The following SETD1A variants were observed in gnomAD, a reference collection of about 807,000 sequenced individuals.
The protein encoded by SETD1A is SET domain containing 1A, histone lysine methyltransferase.
A neutral mutation model predicts 149.9 loss-of-function variants in SETD1A; 29 were observed. The ratio of observed to expected loss-of-function variants is 0.19; its 90% CI spans 0.14 to 0.26. The LOEUF (loss-of-function observed/expected upper bound fraction) is 0.26. Ranked by LOEUF, SETD1A falls within the 10% of genes least tolerant of loss-of-function variation. The probability of loss-of-function intolerance (pLI) is 1.00; values close to 1 mark genes in which losing one functional copy is unlikely to be tolerated. For missense variants in SETD1A, 2,109 were observed against 2,353.1 expected, an observed-to-expected ratio of 0.90 and a Z score of 2.15; for synonymous variants, 1,141 against 968.5, an observed-to-expected ratio of 1.18 and a Z score of -3.31.
At chr16:30,962,744 C>T (rs1202208472) in intron 4 of SETD1A, among the ~76,000 whole-genome samples, 2 of 152,196 alleles carry the variant, frequency 1.3e-5, no homozygotes, top group African/African-American at 4.8e-5. Flanking sequence ...GACAGGAGCT[C>T]GAGACCAGCC....
chr16:30,970,410 G>GGT (rs1270099782), intron 12 of SETD1A, among the ~76,000 whole-genome samples: 1 of 152,030 alleles, frequency 6.6e-6, no homozygotes, highest in Non-Finnish European at 1.5e-5. Flanking sequence ...TGGGATTACA[G>GGT]GTGTGAGCCA....
rs199773806 is a variant in SETD1A at position 30,961,239 on chromosome 16, C to G, written c.247-28C>G. 2.7e-5 allele frequency: 44 copies of G among 1,612,172 alleles called. No homozygotes were observed. In the Middle Eastern group the frequency reaches 5.0e-4, roughly 18 times the overall value. The stretch of plus-strand genomic sequence containing the variant: ...AAGGAACAGTGGTCAGTGTTGAGAC[C>G]CCATACCAACTCCTGTTCTTTCCCC... On this transcript the variant is annotated intron_variant, in intron 3 of 18. Coordinates refer to ENST00000262519, the MANE Select transcript of SETD1A (RefSeq NM_014712.3). The surrounding 1 kb of genome is among the most constrained non-coding windows in gnomAD (Gnocchi z 4.0).
chr16:30,983,962 T>C lies in SETD1A; in HGVS notation c.5063T>C (p.Leu1688Pro). 1.2e-6 allele frequency: 2 copies of C among 1,614,088 alleles called. No homozygotes were observed. Among genetic ancestry groups the C allele is most frequent in the Non-Finnish European group, 1.7e-6 (2 of 1,179,980 alleles). Residue 1688 changes from leucine to proline, a missense_variant, in exon 19 of 19, where the codon CTG becomes CCG. Around this residue, in one of 8 missense-constraint regions of SETD1A, gnomAD observed 254 missense variants for 409.3 expected, o/e 0.62. Transcript: ENST00000262519. This position sits in a 1 kb window ranked among gnomAD's most constrained non-coding sequence, Gnocchi z 6.8. ...EEITYDYKFPLEDNKIPCLCG... is the reference protein window; with the variant it reads ...EEITYDYKFPPEDNKIPCLCG... ...ATCACCTACGACTACAAGTTCCCAC[T>C]GGAAGACAACAAGATCCCGTGTCTG...
In SETD1A at chr16:30,961,453, A is replaced by G. The variant is rs1323851424; in HGVS notation, c.433A>G (p.Thr145Ala). The G allele has an allele frequency of 6.2e-7, 1 of 1,614,034 alleles. No homozygotes were observed. Among genetic ancestry groups the G allele is most frequent in the Non-Finnish European group, 8.5e-7 (1 of 1,180,014 alleles). The change falls in exon 4 of 19, where the codon ACT becomes GCT. Residue 145 changes from threonine (T) to alanine (A), a missense_variant. Transcript: ENST00000262519. This position sits in a 1 kb window ranked among gnomAD's most constrained non-coding sequence, Gnocchi z 4.0. ...CCTGGCCCGTGTGCTCTTCACCAGC[A>G]CTCGGGGCGCCAAGGAAACGGTCAA... ...LGLARVLFTS[T>A]RGAKETVKNL...
chr16:30,984,444 G>A lies in SETD1A; in HGVS notation c.*421G>A, dbSNP rs947740352. On this transcript the variant is annotated 3_prime_UTR_variant, in exon 19 of 19. Transcript: ENST00000262519. ...AGTGGCCATGTTCTCCCCCTGGGGGGGCTCTGCACCCCCAGTCCTGGGGAC... is the reference window on the plus strand; with the variant it reads ...AGTGGCCATGTTCTCCCCCTGGGGGAGCTCTGCACCCCCAGTCCTGGGGAC... 5 of 170,978 alleles carry A rather than the reference G, an allele frequency of 2.9e-5. No individual in the cohort carries two copies. In the East Asian group the frequency reaches 8.4e-4, roughly 29 times the overall value. 10.6% of individuals were successfully genotyped at this position (170,978 alleles called of 1,614,324 possible).
intron 12 of SETD1A, among the ~76,000 whole-genome samples, chr16:30,970,984 C>G (rs2056216843): frequency 6.6e-6 from 1 of 152,188 alleles, no homozygotes; most frequent in Non-Finnish European, 1.5e-5. Flanking sequence ...ATCCTTCGTC[C>G]AGACTGGGTC....
intron 2 of SETD1A, 105 bp downstream of exon 2, chr16:30,958,986 A>G: frequency 6.7e-7 from 1 of 1,482,324 alleles, no homozygotes; most frequent in South Asian, 1.1e-5. Context: ...GAAAGTGGGC[A>G]GTTGGACCCA....
In SETD1A at chr16:30,981,114, G is replaced by C; in HGVS notation, c.4746G>C (p.Leu1582=). The change falls in exon 17 of 19, where the codon CTG becomes CTC. Residue 1582 remains leucine, a synonymous_variant. Transcript: ENST00000262519. ...FGRSRIHEWG[L]FAMEPIAADE... is the part of the protein sequence containing the mutation. ...GGAGCCGGATCCACGAGTGGGGTCT[G>C]TTTGCCATGGAACCCATTGCTGCTG... 1 of 1,614,232 alleles carries C rather than the reference G, an allele frequency of 6.2e-7. No individual in the cohort carries two copies. Among genetic ancestry groups the C allele is most frequent in the Non-Finnish European group, 8.5e-7 (1 of 1,180,038 alleles).
At chr16:30,975,683 G>A (rs894623771) in intron 13 of SETD1A, among the ~76,000 whole-genome samples, 9 of 151,834 alleles carry the variant, frequency 5.9e-5, no homozygotes, top group Non-Finnish European at 7.4e-5. Flanking sequence ...AGCCCACTTT[G>A]GCCTCCCAAA....
rs2056360128 is a variant in SETD1A at position 30,980,544 on chromosome 16, C to G, written c.4468C>G (p.Gln1490Glu). Residue 1490 changes from glutamine (Q) to glutamate (E), a missense_variant, in exon 15 of 19, where the codon CAG becomes GAG. Gln to Glu is a conservative substitution (Grantham distance 29). This residue lies in a region of SETD1A where 254 missense variants were observed against 409.3 expected (regional missense o/e 0.62). Coordinates refer to ENST00000262519, the MANE Select transcript of SETD1A (RefSeq NM_014712.3). This position sits in a 1 kb window ranked among gnomAD's most constrained non-coding sequence, Gnocchi z 7.7. ...RRPQDGPREH[Q>E]TGSARSEGYY... ...GCCCCAGGATGGGCCCCGGGAGCAC[C>G]AGACAGGCTCAGCCCGCAGCGAAGG... The G allele has an allele frequency of 6.2e-7, 1 of 1,614,072 alleles. No individual in the cohort carries two copies.
rs375284140 is a variant in SETD1A at position 30,980,458 on chromosome 16, G to A, written c.4409-27G>A. The A allele has an allele frequency of 7.4e-5, 118 of 1,596,236 alleles. No homozygotes were observed. The highest frequency in any genetic ancestry group is 9.7e-5 in the Non-Finnish European group (113 of 1,169,736). On this transcript the variant is annotated intron_variant, in intron 14 of 18. Coordinates refer to ENST00000262519, the MANE Select transcript of SETD1A (RefSeq NM_014712.3). This position sits in a 1 kb window ranked among gnomAD's most constrained non-coding sequence, Gnocchi z 7.7. ...CTGGGACGCAGGTGGCCAGAGAGGA[G>A]CCGTTCTCTTCCTTAACACCCTGCA...
rs762808392 is a variant in SETD1A, at chr16:30,984,049, C to G, written c.*26C>G. The stretch of plus-strand genomic sequence containing the variant: ...GGTGGGGCAGGATGGGTGCCCACAC[C>G]CCTATTTATTCCCCCTGGTGCCCTG... On this transcript the variant is annotated 3_prime_UTR_variant, in exon 19 of 19. Transcript: ENST00000262519. 14 of 1,595,926 alleles carry G rather than the reference C, an allele frequency of 8.8e-6. No individual in the cohort carries two copies. The highest frequency in any genetic ancestry group is 1.3e-5 in the African/African-American group (1 of 74,664).
In SETD1A at chr16:30,969,438, A is replaced by T; in HGVS notation, c.2904A>T (p.Ala968=). 6.2e-7 allele frequency: 1 copy of T among 1,613,032 alleles called. No individual in the cohort carries two copies. The highest frequency in any genetic ancestry group is 8.5e-7 in the Non-Finnish European group (1 of 1,179,434). Reference sequence around the variant, plus strand: ...CTCTGGACAGCGAAGGGGAGGAGGCATCCCAGGAGTCCTCCTCGGAGAAGG... The same window carrying T: ...CTCTGGACAGCGAAGGGGAGGAGGCTTCCCAGGAGTCCTCCTCGGAGAAGG... ...SFALDSEGEE[A]SQESSSEKDE... Residue 968 remains alanine (A), a synonymous_variant, in exon 11 of 19, where the codon GCA becomes GCT. Transcript: ENST00000262519.
At position 30,984,099 on chromosome 16, in the gene SETD1A, A is replaced by C; in HGVS notation, c.*76A>C. On this transcript the variant is annotated 3_prime_UTR_variant, in exon 19 of 19. Transcript: ENST00000262519. ...GAGCTCCCAGCACCCCCCCAGCCTT[A>C]GTGGGCTCAGCAGGGCCCACATGCC... 1 of 1,398,210 alleles carries C rather than the reference A, an allele frequency of 7.2e-7. No homozygotes were observed. The highest frequency in any genetic ancestry group is 9.7e-7 in the Non-Finnish European group (1 of 1,032,216). The allele number at this position is 1,398,210 out of a possible 1,614,324, so 86.6% of individuals were successfully genotyped here. A position where few individuals can be genotyped will look rare whatever the true frequency, so the allele number is the denominator to read the frequency against.
In SETD1A at chr16:30,974,336, C is replaced by G. The variant is rs528334275; in HGVS notation, c.3358+2617C>G. 2.0e-5 allele frequency among the ~76,000 whole-genome samples: 3 copies of G among 152,110 alleles called. No individual in the cohort carries two copies. The South Asian group carries it at 6.2e-4, about 32-fold the overall frequency. ...AAGAACGGTAGGCTGGATATGAGGT[C>G]GGTGCTTAGGTCTTGAAAGTGTAGC... is the stretch of plus-strand genomic sequence containing the variant. On this transcript the variant is annotated intron_variant, in intron 13 of 18. Transcript: ENST00000262519.
At chr16:30,968,951 TA>T (rs2056189370) in intron 10 of SETD1A, among the ~76,000 whole-genome samples, 1 of 151,804 alleles carries the variant, frequency 6.6e-6, no homozygotes, top group African/African-American at 2.4e-5. Context: ...CAAAAATTTT[TA>T]AAAATTAGCT....
chr16:30,984,387 G>A lies in SETD1A; in HGVS notation c.*364G>A, dbSNP rs1309431665. On this transcript the variant is annotated 3_prime_UTR_variant, in exon 19 of 19. Transcript: ENST00000262519. ...GGGGACTTCCCCTTACGCCCTGCGT[G>A]TACCCCTCCCCAGTTTAGGGGTCTC... 1.4e-5 allele frequency: 3 copies of A among 211,340 alleles called. No homozygotes were observed. 13.1% of individuals were successfully genotyped at this position (211,340 alleles called of 1,614,324 possible). A position where few individuals can be genotyped will look rare whatever the true frequency, so the allele number is the denominator to read the frequency against.
rs745549831 is a variant in SETD1A at position 30,980,166 on chromosome 16, C to T, written c.4380C>T (p.Leu1460=). The change falls in exon 14 of 19, where the codon CTC becomes CTT. Residue 1460 remains leucine (L), a synonymous_variant. Transcript: ENST00000262519. The surrounding 1 kb of genome is among the most constrained non-coding windows in gnomAD (Gnocchi z 7.7). ...AGCAGACAAGCGGGGCTGACTGGCT[C>T]AACGACACTCACTGGGTCCATCACA... ...LLQQTSGADW[L]NDTHWVHHTI... 2.9e-5 allele frequency: 46 copies of T among 1,608,268 alleles called. No individual in the cohort carries two copies. Among genetic ancestry groups the T allele is most frequent in the African/African-American group, 2.7e-5 (2 of 74,634 alleles).
At chr16:30,973,166 T>TGGGG (rs2056245621) in intron 13 of SETD1A, among the ~76,000 whole-genome samples, 2 of 152,002 alleles carry the variant, frequency 1.3e-5, no homozygotes, top group Non-Finnish European at 2.9e-5. Flanking sequence ...AGCAGACAAA[T>TGGGG]AGGCCAGCCA....
Sources: allele counts gnomAD v4.1 joint callset (sites outside exome capture counted in the v4.1 genomes callset), GRCh38; gene constraint gnomAD v4.1.1; regional missense constraint gnomAD v4.1.1; non-coding constraint Gnocchi (gnomAD v3.1); transcripts MANE v1.5; gene names NCBI Gene and HGNC (gene_info 2026-07-23, HGNC 2026-07-21).